Variants in FNDC3B observed in about 807,000 individuals in gnomAD.
FNDC3B encodes the protein fibronectin type III domain containing 3B.
A neutral mutation model predicts 151.5 loss-of-function variants in FNDC3B; 12 were observed. That is an observed-to-expected ratio of 0.08 (90% confidence interval 0.05 to 0.13). The LOEUF is 0.13. FNDC3B is among the 10% of genes least tolerant of loss of function. FNDC3B has a pLI of 1.00. For missense variants in FNDC3B, 1,214 were observed against 1,505.3 expected, an observed-to-expected ratio of 0.81 and a Z score of 3.20; for synonymous variants, 528 against 549.0, an observed-to-expected ratio of 0.96 and a Z score of 0.54.
intron 1 of FNDC3B, among the ~76,000 whole-genome samples, chr3:172,055,530 C>G (rs1716871551): frequency 6.6e-6 from 1 of 151,974 alleles, no homozygotes; most frequent in Admixed American, 6.6e-5. Context: ...GGAGTTCATT[C>G]AAACCTATGA....
At chr3:172,390,214 G>A (rs1274253509) in intron 25 of FNDC3B, among the ~76,000 whole-genome samples, 1 of 152,212 alleles carries the variant, frequency 6.6e-6, no homozygotes, top group Non-Finnish European at 1.5e-5. Flanking sequence ...TTAACATTGT[G>A]TTGGCAAGGC....
intron 1 of FNDC3B, among the ~76,000 whole-genome samples, chr3:172,043,941 C>T (rs1000305365): frequency 1.3e-5 from 2 of 152,158 alleles, no homozygotes; most frequent in Non-Finnish European, 2.9e-5. Context: ...CTCTCATACC[C>T]GCGTCCATCC....
chr3:172,145,419 G>A (rs77716439), intron 3 of FNDC3B, among the ~76,000 whole-genome samples: 1 of 152,130 alleles, frequency 6.6e-6, no homozygotes, highest in Non-Finnish European at 1.5e-5. Context: ...TTCCTGTTTC[G>A]TTTTGCAGTT....
intron 1 of FNDC3B, among the ~76,000 whole-genome samples, chr3:172,068,148 C>T (rs944346774): frequency 2.0e-5 from 3 of 152,184 alleles, no homozygotes; most frequent in Admixed American, 6.5e-5. Flanking sequence ...ACACTTTTGT[C>T]ATTTAGTTAC....
At chr3:172,130,009 G>C (rs1260601668) in intron 2 of FNDC3B, among the ~76,000 whole-genome samples, 1 of 151,300 alleles carries the variant, frequency 6.6e-6, no homozygotes, top group East Asian at 1.9e-4. Context: ...GGAGGGAGGG[G>C]GAGAGAGAGA....
chr3:172,382,190 A>G (rs1159806706), intron 25 of FNDC3B, among the ~76,000 whole-genome samples: 3 of 152,294 alleles, frequency 2.0e-5, no homozygotes, highest in Admixed American at 6.5e-5. Context: ...GGTATCTCAT[A>G]GTAGTTTTGA....
At chr3:172,368,475 G>A (rs9917745) in intron 23 of FNDC3B, among the ~76,000 whole-genome samples, 13,293 of 152,092 alleles carry the variant, frequency 0.087, 630 homozygotes, top group Middle Eastern at 0.16. Context: ...TCTCTGACTA[G>A]TCCCCGATCC....
intron 6 of FNDC3B, among the ~76,000 whole-genome samples, chr3:172,274,983 A>AT (rs1399079279): frequency 2.6e-5 from 4 of 151,676 alleles, no homozygotes; most frequent in South Asian, 2.1e-4. Context: ...TTGGTCATCC[A>AT]TTTTTTTTCT....
intron 1 of FNDC3B, among the ~76,000 whole-genome samples, chr3:172,082,020 A>T (rs1295453801): frequency 6.6e-6 from 1 of 152,208 alleles, no homozygotes; most frequent in African/African-American, 2.4e-5. Context: ...TGACACTTTG[A>T]TAATACTTAA....
chr3:172,354,340 A>G (rs1447488064), intron 22 of FNDC3B, among the ~76,000 whole-genome samples: 1 of 151,966 alleles, frequency 6.6e-6, no homozygotes, highest in Non-Finnish European at 1.5e-5. Context: ...TTATCATTTA[A>G]TAATAGTACA....
At chr3:172,134,904 A>G (rs1721285280) in intron 3 of FNDC3B, among the ~76,000 whole-genome samples, 2 of 152,054 alleles carry the variant, frequency 1.3e-5, no homozygotes, top group Admixed American at 6.6e-5. Context: ...AGTATGGACT[A>G]TAGAGTCTTT....
At chr3:172,279,796 A>G (rs1312631425) in intron 6 of FNDC3B, among the ~76,000 whole-genome samples, 1 of 152,198 alleles carries the variant, frequency 6.6e-6, no homozygotes, top group Non-Finnish European at 1.5e-5. Flanking sequence ...CTTCTTTTGT[A>G]TGCGCTTATT....
At chr3:172,315,902 G>A (rs920709589) in intron 11 of FNDC3B, among the ~76,000 whole-genome samples, 2 of 151,534 alleles carry the variant, frequency 1.3e-5, no homozygotes, top group East Asian at 1.9e-4. Context: ...CCCGTTGGCC[G>A]CACCCACACT....
intron 3 of FNDC3B, among the ~76,000 whole-genome samples, chr3:172,138,732 T>A (rs1721486489): frequency 6.6e-6 from 1 of 152,238 alleles, no homozygotes; most frequent in Non-Finnish European, 1.5e-5. Flanking sequence ...ATAGTTTTTG[T>A]CCAAAATAAT....
chr3:172,363,761 A>G (rs983892784), intron 23 of FNDC3B, among the ~76,000 whole-genome samples: 1 of 152,204 alleles, frequency 6.6e-6, no homozygotes, highest in Non-Finnish European at 1.5e-5. Context: ...TCTGCAGTCA[A>G]GCACTTTGAT....
At chr3:172,058,275 A>G (rs1214273487) in intron 1 of FNDC3B, among the ~76,000 whole-genome samples, 1 of 145,848 alleles carries the variant, frequency 6.9e-6, no homozygotes, top group Non-Finnish European at 1.5e-5. Context: ...CATTAGGGTA[A>G]TCAATTACTT....
chr3:172,141,087 G>C (rs1576901970), intron 3 of FNDC3B, among the ~76,000 whole-genome samples: 1 of 152,122 alleles, frequency 6.6e-6, no homozygotes, highest in Admixed American at 6.5e-5. Context: ...ATAATCCATT[G>C]TAAGTGTCAT....
chr3:172,098,758 A>G (rs1719219612), intron 1 of FNDC3B, among the ~76,000 whole-genome samples: 1 of 152,204 alleles, frequency 6.6e-6, no homozygotes, highest in South Asian at 2.1e-4. Context: ...ATGGTTGTGA[A>G]CAACACTGGC....
chr3:172,368,899 T>A (rs181967401), intron 23 of FNDC3B, among the ~76,000 whole-genome samples: 1 of 152,254 alleles, frequency 6.6e-6, no homozygotes, highest in Non-Finnish European at 1.5e-5. Flanking sequence ...TAGTCCCAGC[T>A]ACTCAGGAGC....
Sources: gnomAD v4.1 joint callset for allele counts (sites outside exome capture counted in the v4.1 genomes callset) on GRCh38, gnomAD v4.1.1 for gene constraint, MANE v1.5 for transcripts, NCBI Gene and HGNC (gene_info 2026-07-23, HGNC 2026-07-21) for gene names.